Variants in CACNA1C observed in about 807,000 individuals in gnomAD.
CACNA1C encodes the protein calcium voltage-gated channel subunit alpha1 C.
Under a neutral mutation model 229.0 loss-of-function variants are expected in CACNA1C, and 30 were observed. The ratio of observed to expected loss-of-function variants is 0.13; its 90% CI spans 0.10 to 0.18. The LOEUF is 0.18. Among genes scored for constraint, CACNA1C ranks in the 10% least tolerant of loss-of-function variants. The pLI, the probability that CACNA1C is intolerant of heterozygous loss-of-function variation, is 1.00. For missense variants in CACNA1C, 1,658 were observed against 2,845.0 expected, an observed-to-expected ratio of 0.58 and a Z score of 9.49; for synonymous variants, 1,114 against 1,132.5, an observed-to-expected ratio of 0.98 and a Z score of 0.33.
chr12:2,339,854 A>G (rs1567134116), intron 3 of CACNA1C, among the ~76,000 whole-genome samples: 1 of 152,244 alleles, frequency 6.6e-6, no homozygotes, highest in Non-Finnish European at 1.5e-5. Flanking sequence ...AGATTTTTAA[A>G]GAGCAAAGAA....
intron 3 of CACNA1C, among the ~76,000 whole-genome samples, chr12:2,415,126 G>T (rs1200581120): frequency 6.6e-6 from 1 of 152,248 alleles, no homozygotes; most frequent in African/African-American, 2.4e-5. Flanking sequence ...TCAGGGTGGC[G>T]AGGGGGCTCA....
rs1379587500 is a variant in CACNA1C at position 2,695,186 on chromosome 12, G to A, written c.*3987G>A. ...GCACAGAGAGGACTGGGAGGAGAATGGAGGCAAGAAAAGGGCATATTTTGA... is the reference window on the plus strand; with the variant it reads ...GCACAGAGAGGACTGGGAGGAGAATAGAGGCAAGAAAAGGGCATATTTTGA... On this transcript the variant is annotated 3_prime_UTR_variant, in exon 47 of 47. Transcript: ENST00000399655. 8 of 152,222 alleles carry A rather than the reference G, an allele frequency of 5.3e-5. No individual in the cohort carries two copies. Among genetic ancestry groups the A allele is most frequent in the African/African-American group, 1.9e-4 (8 of 41,442 alleles). The allele number at this position is 152,222 out of a possible 1,614,324, so 9.4% of individuals were successfully genotyped here.
At chr12:2,425,399 CTCCTTT>C (rs2099020256) in intron 3 of CACNA1C, among the ~76,000 whole-genome samples, 1 of 152,202 alleles carries the variant, frequency 6.6e-6, no homozygotes, top group Non-Finnish European at 1.5e-5. Flanking sequence ...TGGAATACTG[CTCCTTT>C]TCCTTTTCCT....
intron 9 of CACNA1C, among the ~76,000 whole-genome samples, chr12:2,514,898 G>A (rs969643353): frequency 6.6e-6 from 1 of 152,220 alleles, no homozygotes; most frequent in Non-Finnish European, 1.5e-5. Context: ...TTTGCTGCTG[G>A]AGCAGATCAC....
chr12:2,494,822 A>G (rs1250840323), intron 7 of CACNA1C, among the ~76,000 whole-genome samples: 1 of 151,766 alleles, frequency 6.6e-6, no homozygotes, highest in African/African-American at 2.4e-5. Flanking sequence ...TTGCTATGAC[A>G]TGTGTCCCTC....
In CACNA1C at chr12:2,488,521, T is replaced by A. The variant is rs2154570979; in HGVS notation, c.916+2259T>A. Among the ~76,000 whole-genome samples, 1 of 152,204 alleles carries A rather than the reference T, an allele frequency of 6.6e-6. No homozygotes were observed. Among genetic ancestry groups the A allele is most frequent in the East Asian group, 1.9e-4 (1 of 5,202 alleles). ...TTGGAATGGCCAATTTAGGATCACA[T>A]TGTCCACCCTTGATAGTAAACAGGA... On this transcript the variant is annotated intron_variant, in intron 6 of 46. Transcript: ENST00000399655. This position sits in a 1 kb window ranked among gnomAD's most constrained non-coding sequence, Gnocchi z 4.0.
intron 43 of CACNA1C, among the ~76,000 whole-genome samples, chr12:2,683,799 A>G (rs1040179644): frequency 2.0e-5 from 3 of 152,192 alleles, no homozygotes; most frequent in Non-Finnish European, 4.4e-5. Context: ...GCTGGGAGCC[A>G]CTGTCCCACT....
intron 3 of CACNA1C, among the ~76,000 whole-genome samples, chr12:2,203,270 C>T (rs938134611): frequency 6.6e-6 from 1 of 152,134 alleles, no homozygotes; most frequent in Non-Finnish European, 1.5e-5. Flanking sequence ...CCTCATGTCC[C>T]CATAGGAACA....
At chr12:2,203,938 A>G (rs2097677467) in intron 3 of CACNA1C, among the ~76,000 whole-genome samples, 1 of 152,172 alleles carries the variant, frequency 6.6e-6, no homozygotes, top group Non-Finnish European at 1.5e-5. Flanking sequence ...CTGCCCCTTC[A>G]TGGGGGACCA....
At chr12:2,550,197 G>A (rs2099895446) in intron 10 of CACNA1C, among the ~76,000 whole-genome samples, 164 bp downstream of exon 10, 2 of 152,208 alleles carry the variant, frequency 1.3e-5, no homozygotes, top group Non-Finnish European at 2.9e-5. Context: ...GGGAGCAGAG[G>A]GCCCTGGGGT....
intron 1 of CACNA1C, among the ~76,000 whole-genome samples, chr12:2,092,178 T>C (rs2071440116): frequency 6.6e-6 from 1 of 152,198 alleles, no homozygotes; most frequent in East Asian, 1.9e-4. Context: ...ATAGCAGGAA[T>C]GAAGGGCGCG....
rs916885196 is a variant in CACNA1C at position 2,408,623 on chromosome 12, C to A, written c.478-40353C>A. Reference sequence around the variant, plus strand: ...TACTGCTTCTCTCCTCTTTTAGAGTCTTTTTATGTTTCTTTTACATATAAC... The same window carrying A: ...TACTGCTTCTCTCCTCTTTTAGAGTATTTTTATGTTTCTTTTACATATAAC... On this transcript the variant is annotated intron_variant, in intron 3 of 46. Coordinates refer to ENST00000399655, the MANE Select transcript of CACNA1C (RefSeq NM_000719.7). Among the ~76,000 whole-genome samples the A allele has an allele frequency of 3.3e-5, 5 of 151,680 alleles. No individual in the cohort carries two copies. The East Asian group carries it at 9.7e-4, about 29-fold the overall frequency.
chr12:2,582,580 T>C (rs1601006341), intron 14 of CACNA1C, among the ~76,000 whole-genome samples: 1 of 152,194 alleles, frequency 6.6e-6, no homozygotes, highest in Non-Finnish European at 1.5e-5. Flanking sequence ...CAGAGATCTT[T>C]GGGCCAAAAA....
intron 45 of CACNA1C, among the ~76,000 whole-genome samples, chr12:2,686,471 G>C (rs1412743180): frequency 6.6e-6 from 1 of 152,226 alleles, no homozygotes; most frequent in Non-Finnish European, 1.5e-5. Context: ...CAGCATCGCA[G>C]GTGGGGGCCT....
Position 2,063,028 on chromosome 12 carries a change from C to T in CACNA1C, c.49+9417C>T, listed in dbSNP as rs201431089. On this transcript the variant is annotated intron_variant, in intron 1 of 46. Coordinates refer to ENST00000399655, the MANE Select transcript of CACNA1C (RefSeq NM_000719.7). The stretch of plus-strand genomic sequence containing the variant: ...CTACTTCCCCAATATTTTCATCACC[C>T]GCAAAAAATACCCTTTACCCATTGG... 4.6e-5 allele frequency among the ~76,000 whole-genome samples: 7 copies of T among 152,232 alleles called. No homozygotes were observed. In the East Asian group the frequency reaches 5.8e-4, roughly 13 times the overall value.
intron 3 of CACNA1C, among the ~76,000 whole-genome samples, chr12:2,308,222 A>G (rs2154480734): frequency 6.6e-6 from 1 of 152,386 alleles, no homozygotes; most frequent in Non-Finnish European, 1.5e-5. Flanking sequence ...GATAACATGT[A>G]GCACAATGAT....
At position 2,053,007 on chromosome 12, in the gene CACNA1C, G is replaced by C. The variant is rs1297672603; in HGVS notation, c.-556G>C. 4 of 984,136 alleles carry C rather than the reference G, an allele frequency of 4.1e-6. No homozygotes were observed. The highest frequency in any genetic ancestry group is 4.8e-6 in the Non-Finnish European group (4 of 829,562). 61.0% of individuals were successfully genotyped at this position (984,136 alleles called of 1,614,324 possible). The stretch of plus-strand genomic sequence containing the variant: ...CCGGTGTCTCCCTCTCGCTGCCTCT[G>C]CAGAAACAGCTCCTGCCAGAGCGGC... On this transcript the variant is annotated 5_prime_UTR_variant, in exon 1 of 47. Transcript: ENST00000399655. The surrounding 1 kb of genome is among the most constrained non-coding windows in gnomAD (Gnocchi z 5.8).
chr12:2,498,912 C>G (rs1212172666), intron 7 of CACNA1C, among the ~76,000 whole-genome samples: 3 of 152,252 alleles, frequency 2.0e-5, no homozygotes, highest in Non-Finnish European at 4.4e-5. Flanking sequence ...CAACCTCCCA[C>G]ATGATGTCAG....
At position 2,120,415 on chromosome 12, in the gene CACNA1C, C is replaced by A; in HGVS notation, c.462C>A (p.Ala154=). The A allele has an allele frequency of 6.2e-7, 1 of 1,602,158 alleles. No individual in the cohort carries two copies. Among genetic ancestry groups the A allele is most frequent in the Non-Finnish European group, 8.6e-7 (1 of 1,169,178 alleles). ...YIPFPEDDSN[A]TNSNLERVEY... ...CCTTTCCAGAAGATGATTCCAACGC[C>A]ACCAATTCCAACCTGGTAAGTCCAC... The change falls in exon 3 of 47, where the codon GCC becomes GCA. Residue 154 remains alanine, a synonymous_variant. Transcript: ENST00000399655.
Sources: allele counts gnomAD v4.1 joint callset (sites outside exome capture counted in the v4.1 genomes callset), GRCh38; gene constraint gnomAD v4.1.1; non-coding constraint Gnocchi (gnomAD v3.1); transcripts MANE v1.5; gene names NCBI Gene and HGNC (gene_info 2026-07-23, HGNC 2026-07-21).